The following TPR variants were observed in gnomAD, a reference collection of about 807,000 sequenced individuals.
The protein encoded by TPR is translocated promoter region, nuclear basket protein, also known as nucleoprotein TPR.
TPR carries 51 observed loss-of-function variants against 316.1 expected under a neutral mutation model. The observed-to-expected ratio is 0.16, with a 90% CI of 0.13 to 0.20. The LOEUF (loss-of-function observed/expected upper bound fraction) is 0.20, where lower values mean the gene tolerates loss of function less well. TPR is among the 10% of genes least tolerant of loss of function. The pLI is 1.00. For synonymous variants in TPR, 981 were observed against 914.7 expected (o/e 1.07, Z -1.31); for missense variants, 2,272 against 2,754.8 (o/e 0.82, Z 3.92).
At chr1:186,341,222 G>A (rs760092226) in intron 28 of TPR, 30 bp downstream of exon 28, 29 of 1,613,020 alleles carry the variant, frequency 1.8e-5, no homozygotes, top group Admixed American at 8.4e-5. Context: ...AAAACAACAT[G>A]CTTCCACTCT....
rs1307658108 is a variant in TPR, at chr1:186,348,274, GTC to G, written c.2777-818_2777-817del. ...GTCTATGAACAGCCGCTCTGGGAAT[GTC>G]TGTCTTGTGCAGTTGAGATAAGGAC... On this transcript the variant is annotated intron_variant, in intron 21 of 50. Coordinates refer to ENST00000367478, the MANE Select transcript of TPR (RefSeq NM_003292.3). Among the ~76,000 whole-genome samples the G allele has an allele frequency of 6.6e-5, 10 of 152,286 alleles. No homozygotes were observed. In the East Asian group the frequency reaches 1.9e-3, roughly 29 times the overall value.
intron 27 of TPR, 117 bp from the exon 28 acceptor site, chr1:186,341,506 T>C (rs542380372): frequency 4.2e-4 from 490 of 1,172,166 alleles, no homozygotes; most frequent in Non-Finnish European, 5.3e-4. Flanking sequence ...TTTCAACTTT[T>C]AGAACTAAAA....
At position 186,358,461 on chromosome 1, in the gene TPR, T is replaced by C. The variant is rs1659090293; in HGVS notation, c.1497+82A>G. 2.9e-6 allele frequency: 3 copies of C among 1,040,046 alleles called. No individual in the cohort carries two copies. The African/African-American group carries it at 4.8e-5, about 17-fold the overall frequency. 64.4% of individuals were successfully genotyped at this position (1,040,046 alleles called of 1,614,324 possible). ...TAGAATTTCATACATGGTAGTTCTATCTTAGGTACCTTCAAACAGATTCAA... is the reference window on the plus strand; with the variant it reads ...TAGAATTTCATACATGGTAGTTCTACCTTAGGTACCTTCAAACAGATTCAA... On this transcript the variant is annotated intron_variant, in intron 13 of 50. Transcript: ENST00000367478.
intron 36 of TPR, 91 bp downstream of exon 36, chr1:186,334,234 G>A: frequency 7.7e-7 from 1 of 1,306,980 alleles, no homozygotes; most frequent in Non-Finnish European, 1.0e-6. Flanking sequence ...TTCAGCTGTA[G>A]TGGATGCTTC....
intron 4 of TPR, among the ~76,000 whole-genome samples, chr1:186,363,997 T>TCA (rs1449336559): frequency 1.7e-4 from 26 of 152,154 alleles, no homozygotes; most frequent in Non-Finnish European, 3.5e-4. Context: ...GCTCAAGTGT[T>TCA]TTGAGTGTCT....
chr1:186,373,961 A>G lies in TPR; in HGVS notation c.152-498T>C, dbSNP rs181266883. On this transcript the variant is annotated intron_variant, in intron 1 of 50. Coordinates refer to ENST00000367478, the MANE Select transcript of TPR (RefSeq NM_003292.3). Reference sequence around the variant, plus strand: ...TGAATATCATGTTCAGCATAGTATCAGGAACATGTAAGACATTCAATATTT... The same window carrying G: ...TGAATATCATGTTCAGCATAGTATCGGGAACATGTAAGACATTCAATATTT... 2.6e-3 allele frequency among the ~76,000 whole-genome samples: 393 copies of G among 152,370 alleles called. 1 individual carries two copies. The highest frequency in any genetic ancestry group is 8.9e-3 in the African/African-American group (371 of 41,594).
intron 40 of TPR, 106 bp from the exon 41 acceptor site, chr1:186,326,341 G>A: frequency 6.7e-7 from 1 of 1,491,066 alleles, no homozygotes; most frequent in South Asian, 1.3e-5. Flanking sequence ...TTAATCAGAA[G>A]ATAGGAATTG....
At chr1:186,337,700 G>GT (rs2102069389) in intron 31 of TPR, among the ~76,000 whole-genome samples, 1 of 151,954 alleles carries the variant, frequency 6.6e-6, no homozygotes, top group Non-Finnish European at 1.5e-5. Context: ...TTGATAGGTG[G>GT]TTAACATAAA....
intron 45 of TPR, 92 bp downstream of exon 45, chr1:186,322,222 CAACA>C (rs1209209033): frequency 2.4e-5 from 29 of 1,216,440 alleles, no homozygotes; most frequent in Admixed American, 1.7e-4. Context: ...GAGAGGGACT[CAACA>C]AACAATGAGT....
chr1:186,356,446 G>C lies in TPR; in HGVS notation c.1728C>G (p.Ile576Met). 1 of 1,604,950 alleles carries C rather than the reference G, an allele frequency of 6.2e-7. No individual in the cohort carries two copies. Among genetic ancestry groups the C allele is most frequent in the Non-Finnish European group, 8.5e-7 (1 of 1,172,922 alleles). The change falls in exon 15 of 51, where the codon ATC (isoleucine) becomes ATG (methionine). Residue 576 changes from isoleucine to methionine, a missense_variant. By Grantham distance (10) the Ile-to-Met change is conservative. Transcript: ENST00000367478. ...REEQETTSSK[I>M]TELQLKLESA... is the part of the protein sequence containing the mutation. ...TCTCAAGTTTGAGCTGAAGCTCAGT[G>C]ATTCTGTAGAAAAAGTCGGCCTAAT...
In TPR at chr1:186,312,535, C is replaced by G; in HGVS notation, c.*1436G>C. 1 of 820,202 alleles carries G rather than the reference C, an allele frequency of 1.2e-6. No individual in the cohort carries two copies. Among genetic ancestry groups the G allele is most frequent in the Non-Finnish European group, 1.9e-6 (1 of 533,434 alleles). 50.8% of individuals were successfully genotyped at this position (820,202 alleles called of 1,614,324 possible). A position where few individuals can be genotyped will look rare whatever the true frequency, so the allele number is the denominator to read the frequency against. ...ACTTGCCTTAGTGAATAACCAAAGA[C>G]CAATACTTTCTTTTTCCTTGTGGGT... is the stretch of plus-strand genomic sequence containing the variant. On this transcript the variant is annotated 3_prime_UTR_variant, in exon 51 of 51. Transcript: ENST00000367478.
At position 186,312,047 on chromosome 1, in the gene TPR, A is replaced by G. The variant is rs1385880423; in HGVS notation, c.*1924T>C. ...TACCCTTGACTAATAGCCATTATTA[A>G]TATCAATATATTATATGAAAAATGA... On this transcript the variant is annotated 3_prime_UTR_variant, in exon 51 of 51. Transcript: ENST00000367478. 2 of 712,342 alleles carry G rather than the reference A, an allele frequency of 2.8e-6. No homozygotes were observed. Among genetic ancestry groups the G allele is most frequent in the Non-Finnish European group, 4.7e-6 (2 of 425,620 alleles). 44.1% of individuals were successfully genotyped at this position (712,342 alleles called of 1,614,324 possible).
intron 33 of TPR, 107 bp from the exon 34 acceptor site, chr1:186,335,650 T>C (rs1658318246): frequency 2.5e-6 from 2 of 805,528 alleles, no homozygotes; most frequent in South Asian, 4.1e-5. Flanking sequence ...TACTATAACA[T>C]CTACATTAGT....
chr1:186,333,341 C>T lies in TPR; in HGVS notation c.5236G>A (p.Gly1746Arg). ...EHVPVFGSTS[G>R]SVRSTSPNVQ... ...TTAGGACTAGTAGAACGAACGGATC[C>T]ACTTGTGCTTCCAAAAACTGGAACA... The change falls in exon 37 of 51, where the codon GGA becomes AGA. Residue 1746 changes from glycine to arginine, a missense_variant. Physicochemically the swap from Gly to Arg is moderately radical, Grantham distance 125. Around this residue, in one of 10 missense-constraint regions of TPR, gnomAD observed 435 missense variants for 461.1 expected, o/e 0.94. Transcript: ENST00000367478. 6.2e-7 allele frequency: 1 copy of T among 1,613,568 alleles called. No homozygotes were observed. Among genetic ancestry groups the T allele is most frequent in the Non-Finnish European group, 8.5e-7 (1 of 1,179,654 alleles).
chr1:186,333,488 CAGATTT>C, intron 36 of TPR, 94 bp from the exon 37 acceptor site: 1 of 1,481,386 alleles, frequency 6.8e-7, no homozygotes, highest in Non-Finnish European at 9.1e-7. Flanking sequence ...ACCTTTCACA[CAGATTT>C]GGCACTTGGT....
At chr1:186,348,884 T>A (rs1658762513) in intron 21 of TPR, among the ~76,000 whole-genome samples, 1 of 152,164 alleles carries the variant, frequency 6.6e-6, no homozygotes, top group Non-Finnish European at 1.5e-5. Flanking sequence ...TTGGAAAGAA[T>A]GTTTTATCAC....
intron 48 of TPR, among the ~76,000 whole-genome samples, chr1:186,318,074 TTC>T (rs964148948): frequency 2.0e-5 from 3 of 152,228 alleles, no homozygotes; most frequent in African/African-American, 7.2e-5. Context: ...ACATCCATCT[TTC>T]TCTCTTCCAT....
chr1:186,364,739 A>G (rs1659286004), intron 4 of TPR, among the ~76,000 whole-genome samples: 1 of 152,220 alleles, frequency 6.6e-6, no homozygotes, highest in African/African-American at 2.4e-5. Flanking sequence ...TAAGAAAATC[A>G]TTGAGAAAGG....
At chr1:186,346,616 T>C (rs1421494473) in intron 22 of TPR, among the ~76,000 whole-genome samples, 1 of 152,208 alleles carries the variant, frequency 6.6e-6, no homozygotes, top group Admixed American at 6.5e-5. Context: ...CACATTTTGA[T>C]TTATTTACAA....
Sources: gnomAD v4.1 joint callset for allele counts (sites outside exome capture counted in the v4.1 genomes callset) on GRCh38, gnomAD v4.1.1 for gene constraint, gnomAD v4.1.1 regional missense constraint, MANE v1.5 for transcripts, NCBI Gene and HGNC (gene_info 2026-07-23, HGNC 2026-07-21) for gene names.